The following TBC1D19 variants were observed in gnomAD, a reference collection of about 807,000 sequenced individuals.
The protein encoded by TBC1D19 is TBC1 domain family, member 19.
A neutral mutation model predicts 89.0 loss-of-function variants in TBC1D19; 60 were observed. The ratio of observed to expected loss-of-function variants is 0.67; its 90% confidence interval spans 0.55 to 0.84. TBC1D19 has a LOEUF of 0.84. Among genes scored for constraint, TBC1D19 ranks in the 40% least tolerant of loss-of-function variants. The pLI, the probability that TBC1D19 is intolerant of heterozygous loss-of-function variation, is 0.00. For missense variants in TBC1D19, 500 were observed against 610.8 expected, an observed-to-expected ratio of 0.82 and a Z score of 1.91; for synonymous variants, 189 against 199.7, an observed-to-expected ratio of 0.95 and a Z score of 0.45.
intron 4 of TBC1D19, among the ~76,000 whole-genome samples, chr4:26,624,376 T>A (rs535833158): frequency 5.3e-5 from 8 of 152,284 alleles, no homozygotes; most frequent in East Asian, 3.9e-4. Context: ...TAATTGCTTT[T>A]TTTTTATTTT....
intron 17 of TBC1D19, chr4:26,740,704 C>A: frequency 1.0e-6 from 1 of 985,052 alleles, no homozygotes; most frequent in Non-Finnish European, 1.2e-6. Flanking sequence ...CCCTTTGGAC[C>A]TGCTGTGGGT....
Position 26,595,511 on chromosome 4 carries a change from TCTC to T in TBC1D19, c.99+11222_99+11224del, listed in dbSNP as rs529757011. On this transcript the variant is annotated intron_variant, in intron 1 of 20. Transcript: ENST00000264866. ...CTAAACCCTAAGGTCATCTAGATTT[TCTC>T]CTATGTTGTCTTCTAGATGTCTTAT... Among the ~76,000 whole-genome samples, 121 of 152,326 alleles carry T rather than the reference TCTC, an allele frequency of 7.9e-4. 1 individual carries two copies. In the South Asian group the frequency reaches 0.024, roughly 31 times the overall value.
At chr4:26,642,395 C>A (rs1166965396) in intron 7 of TBC1D19, among the ~76,000 whole-genome samples, 2 of 152,174 alleles carry the variant, frequency 1.3e-5, no homozygotes, top group African/African-American at 4.8e-5. Flanking sequence ...ATTTTGTCAC[C>A]ACCAGGCCTG....
the TBC1D19 span, among the ~76,000 whole-genome samples, chr4:26,831,575 CTTCTTTTTTTTTT>C: frequency 0.068 from 9,818 of 145,196 alleles, 948 homozygotes; most frequent in African/African-American, 0.22. Flanking sequence ...CTTTCTTTTT[CTTCTTTTTTTTTT>C]TTCTTTTTTT....
chr4:26,588,981 A>G (rs1278629952), intron 1 of TBC1D19, among the ~76,000 whole-genome samples: 4 of 152,142 alleles, frequency 2.6e-5, no homozygotes, highest in Admixed American at 2.6e-4. Context: ...TATTGTTGTC[A>G]TTACCTTCAG....
At chr4:26,771,433 CTAAA>C in the TBC1D19 span, among the ~76,000 whole-genome samples, 1 of 152,144 alleles carries the variant, frequency 6.6e-6, no homozygotes, top group African/African-American at 2.4e-5. Flanking sequence ...TGGAAACAAC[CTAAA>C]TGAGTGAATA....
chr4:26,591,695 G>T (rs1186009597), intron 1 of TBC1D19, among the ~76,000 whole-genome samples: 2 of 152,128 alleles, frequency 1.3e-5, no homozygotes, highest in Non-Finnish European at 2.9e-5. Flanking sequence ...TACCATCAGA[G>T]AATACTATAA....
At chr4:26,775,447 C>G in the TBC1D19 span, among the ~76,000 whole-genome samples, 1 of 152,188 alleles carries the variant, frequency 6.6e-6, no homozygotes, top group Non-Finnish European at 1.5e-5. Flanking sequence ...GAGCGAGACT[C>G]TGTCTCAAAA....
At chr4:26,617,919 G>A (rs1435397581) in intron 3 of TBC1D19, among the ~76,000 whole-genome samples, 1 of 152,198 alleles carries the variant, frequency 6.6e-6, no homozygotes, top group East Asian at 1.9e-4. Flanking sequence ...AGTTACAAGT[G>A]TCAAACAGTA....
chr4:26,618,879 G>A (rs1741858535), intron 3 of TBC1D19, among the ~76,000 whole-genome samples: 1 of 152,076 alleles, frequency 6.6e-6, no homozygotes. Context: ...GGGAGACTTG[G>A]GGGACAAGAA....
chr4:26,585,733 A>C (rs1560396392), intron 1 of TBC1D19, among the ~76,000 whole-genome samples: 1 of 151,908 alleles, frequency 6.6e-6, no homozygotes, highest in Non-Finnish European at 1.5e-5. Flanking sequence ...ACAGGCATCC[A>C]CCACCATGCC....
At chr4:26,747,298 G>T (rs1328014419) in intron 18 of TBC1D19, among the ~76,000 whole-genome samples, 1 of 152,094 alleles carries the variant, frequency 6.6e-6, no homozygotes, top group Non-Finnish European at 1.5e-5. Flanking sequence ...TAATAATTTT[G>T]ACTTTAAATT....
chr4:26,791,848 G>A, the TBC1D19 span, among the ~76,000 whole-genome samples: 2 of 152,222 alleles, frequency 1.3e-5, no homozygotes, highest in Non-Finnish European at 2.9e-5. Flanking sequence ...AGACATCCAA[G>A]TGGGGATGTC....
In TBC1D19 at chr4:26,687,499, C is replaced by T. The variant is rs189181161; in HGVS notation, c.892-846C>T. On this transcript the variant is annotated intron_variant, in intron 12 of 20. Transcript: ENST00000264866. ...TTCAGAGGCAATCCTGGGGGAAACA[C>T]AAATGCTTTAGTTCATTTTTCTAGA... 1.1e-4 allele frequency among the ~76,000 whole-genome samples: 17 copies of T among 152,214 alleles called. No homozygotes were observed. The East Asian group carries it at 2.9e-3, about 26-fold the overall frequency.
intron 11 of TBC1D19, among the ~76,000 whole-genome samples, chr4:26,675,643 A>G (rs1712739838): frequency 6.6e-6 from 1 of 152,172 alleles, no homozygotes; most frequent in Admixed American, 6.5e-5. Context: ...TTAGAGAGAA[A>G]GAGAGAAGGA....
exon 1 of TBC1D19, chr4:26,576,731 A>G: frequency 2.2e-6 from 1 of 456,322 alleles, no homozygotes; most frequent in South Asian, 1.5e-5. Context: ...AGAGAGCCAC[A>G]GAGCCACTAG....
the TBC1D19 span, among the ~76,000 whole-genome samples, chr4:26,804,699 T>C: frequency 6.6e-6 from 1 of 152,158 alleles, no homozygotes; most frequent in Non-Finnish European, 1.5e-5. Context: ...GGCCCGGGTT[T>C]GCCAGGACTC....
chr4:26,722,980 G>C (rs1441227280), intron 15 of TBC1D19, among the ~76,000 whole-genome samples: 1 of 152,132 alleles, frequency 6.6e-6, no homozygotes, highest in African/African-American at 2.4e-5. Flanking sequence ...AGAAGATGTT[G>C]CTGAGCTCAT....
At chr4:26,705,724 A>G (rs974103511) in intron 13 of TBC1D19, among the ~76,000 whole-genome samples, 1 of 152,148 alleles carries the variant, frequency 6.6e-6, no homozygotes, top group African/African-American at 2.4e-5. Context: ...TAAATCTGGA[A>G]GAAATAGGAA....
Sources: gnomAD v4.1 joint callset for allele counts (sites outside exome capture counted in the v4.1 genomes callset) on GRCh38, gnomAD v4.1.1 for gene constraint, MANE v1.5 for transcripts, NCBI Gene and HGNC (gene_info 2026-07-23, HGNC 2026-07-21) for gene names.